NRG1: variants seen among roughly 807,000 people sequenced by gnomAD.
NRG1 encodes the protein pro-neuregulin-1, membrane-bound isoform.
In NRG1, 18 loss-of-function variants were observed where a neutral mutation model predicts 63.8. The ratio of observed to expected loss-of-function variants is 0.28; its 90% CI spans 0.19 to 0.42. The LOEUF (loss-of-function observed/expected upper bound fraction) is 0.42, where lower values mean the gene tolerates loss of function less well. Ranked by LOEUF, NRG1 falls within the 10% of genes least tolerant of loss-of-function variation. NRG1 has a pLI of 1.00. For synonymous variants in NRG1, 302 were observed against 301.3 expected (o/e 1.00, Z -0.02); for missense variants, 762 against 814.7 (o/e 0.94, Z 0.79).
At chr8:32,469,906 G>A (rs1439996621) in intron 1 of NRG1, among the ~76,000 whole-genome samples, 1 of 152,326 alleles carries the variant, frequency 6.6e-6, no homozygotes, top group East Asian at 1.9e-4. Flanking sequence ...CGCCCAGGCT[G>A]GACTGCAGTG....
chr8:32,190,307 T>C (rs936824892), intron 1 of NRG1, among the ~76,000 whole-genome samples: 5 of 152,124 alleles, frequency 3.3e-5, no homozygotes, highest in African/African-American at 1.2e-4. Flanking sequence ...CCCAACAGAC[T>C]TCAAGATGAT....
chr8:32,479,795 A>G (rs749746671), intron 1 of NRG1, among the ~76,000 whole-genome samples: 2 of 151,946 alleles, frequency 1.3e-5, no homozygotes, highest in Non-Finnish European at 2.9e-5. Flanking sequence ...GACTACAGGC[A>G]TGCATCACCA....
At chr8:32,616,108 ACTT>A (rs1276851761) in intron 4 of NRG1, among the ~76,000 whole-genome samples, 2 of 151,816 alleles carry the variant, frequency 1.3e-5, no homozygotes, top group Admixed American at 1.3e-4. Flanking sequence ...TGATACTAAG[ACTT>A]CTTTATTTCT....
chr8:32,166,445 G>A (rs146848150), intron 1 of NRG1, among the ~76,000 whole-genome samples: 10 of 152,146 alleles, frequency 6.6e-5, no homozygotes, highest in African/African-American at 1.2e-4. Flanking sequence ...TTGGCTCTAC[G>A]GATTCATTTT....
At chr8:32,581,616 T>C (rs1840651876) in intron 1 of NRG1, among the ~76,000 whole-genome samples, 1 of 152,142 alleles carries the variant, frequency 6.6e-6, no homozygotes, top group African/African-American at 2.4e-5. Flanking sequence ...TACCTTATAT[T>C]AAATGGAATA....
chr8:32,559,573 G>C (rs775941210), intron 1 of NRG1, among the ~76,000 whole-genome samples: 1 of 152,020 alleles, frequency 6.6e-6, no homozygotes, highest in Admixed American at 6.6e-5. Context: ...ATGGATACAG[G>C]CTTTCTTTTC....
At chr8:31,710,089 G>T (rs1336214675) in intron 1 of NRG1, among the ~76,000 whole-genome samples, 1 of 151,688 alleles carries the variant, frequency 6.6e-6, no homozygotes, top group African/African-American at 2.4e-5. Context: ...TATAGCTCAT[G>T]AATTCAGGTA....
chr8:32,622,788 C>T (rs1848567484), intron 5 of NRG1, among the ~76,000 whole-genome samples: 1 of 152,174 alleles, frequency 6.6e-6, no homozygotes, highest in Non-Finnish European at 1.5e-5. Context: ...TCATTTAGCA[C>T]AACTTTGCTT....
At chr8:32,034,076 G>A (rs957422818) in intron 1 of NRG1, among the ~76,000 whole-genome samples, 1 of 152,102 alleles carries the variant, frequency 6.6e-6, no homozygotes, top group Non-Finnish European at 1.5e-5. Context: ...GTATGATATT[G>A]GCTGTAGGTT....
chr8:32,519,966 T>C (rs939694485), intron 1 of NRG1, among the ~76,000 whole-genome samples: 2 of 152,114 alleles, frequency 1.3e-5, no homozygotes, highest in Non-Finnish European at 2.9e-5. Flanking sequence ...TCCTCTTATT[T>C]ACTGCTTGCA....
At chr8:31,744,323 G>A (rs1815632934) in intron 1 of NRG1, among the ~76,000 whole-genome samples, 1 of 152,040 alleles carries the variant, frequency 6.6e-6, no homozygotes, top group Admixed American at 6.6e-5. Context: ...ATGATACGCT[G>A]TGCCAGTATA....
intron 7 of NRG1, among the ~76,000 whole-genome samples, chr8:32,744,413 T>C (rs1827066660): frequency 6.6e-6 from 1 of 152,090 alleles, no homozygotes; most frequent in African/African-American, 2.4e-5. Flanking sequence ...GTAATATGCA[T>C]TTAGTAGGGA....
intron 1 of NRG1, among the ~76,000 whole-genome samples, chr8:31,892,602 T>C (rs747972952): frequency 4.6e-5 from 7 of 152,174 alleles, no homozygotes; most frequent in Non-Finnish European, 8.8e-5. Context: ...CCTACCACTT[T>C]CATTACAGAC....
chr8:32,419,075 T>A lies in NRG1; in HGVS notation c.38-176753T>A, dbSNP rs187601810. Among the ~76,000 whole-genome samples, 100 of 152,320 alleles carry A rather than the reference T, an allele frequency of 6.6e-4. No individual in the cohort carries two copies. The Middle Eastern group carries it at 0.01, about 16-fold the overall frequency. ...AGTTCTCAGCTATTGTATAGTTGTGTTTTTGAGAACATGCTTCAGCACTTG... is the reference window on the plus strand; with the variant it reads ...AGTTCTCAGCTATTGTATAGTTGTGATTTTGAGAACATGCTTCAGCACTTG... On this transcript the variant is annotated intron_variant, in intron 1 of 10. Transcript: ENST00000519301.
At chr8:32,513,502 T>A (rs16879494) in intron 1 of NRG1, among the ~76,000 whole-genome samples, 1,630 of 152,090 alleles carry the variant, frequency 0.011, 25 homozygotes, top group African/African-American at 0.037. Flanking sequence ...CCATTATAGA[T>A]ATGCCTCCTT....
At chr8:32,647,479 G>A (rs1183311494) in intron 5 of NRG1, 1 of 985,244 alleles carries the variant, frequency 1.0e-6, no homozygotes, top group Non-Finnish European at 1.2e-6. Context: ...AAAAGAACTA[G>A]AAAAGTGGCC....
At chr8:32,175,282 CT>C (rs200707659) in intron 1 of NRG1, among the ~76,000 whole-genome samples, 8,229 of 152,250 alleles carry the variant, frequency 0.054, 270 homozygotes, top group Middle Eastern at 0.096. Context: ...AATTCAACAA[CT>C]CTTCATGCTA....
At chr8:32,178,963 A>G (rs1264363993) in intron 1 of NRG1, among the ~76,000 whole-genome samples, 1 of 152,222 alleles carries the variant, frequency 6.6e-6, no homozygotes, top group East Asian at 1.9e-4. Context: ...CTCGATTCTC[A>G]ATGCCATGTG....
chr8:32,460,755 A>T (rs1474963011), intron 1 of NRG1, among the ~76,000 whole-genome samples: 2 of 152,014 alleles, frequency 1.3e-5, no homozygotes, highest in Non-Finnish European at 2.9e-5. Flanking sequence ...AGAGTTATCT[A>T]TTTCTCCCTT....
Sources: gnomAD v4.1 joint callset for allele counts (sites outside exome capture counted in the v4.1 genomes callset) on GRCh38, gnomAD v4.1.1 for gene constraint, MANE v1.5 for transcripts, NCBI Gene and HGNC (gene_info 2026-07-23, HGNC 2026-07-21) for gene names.